The following FGF6 variants were observed in gnomAD, a reference collection of about 807,000 sequenced individuals.
FGF6 encodes FGF-6.
In FGF6, 14 loss-of-function variants were observed where a neutral mutation model predicts 18.4. That is an observed-to-expected ratio of 0.76 (90% confidence interval 0.50 to 1.19). The LOEUF (loss-of-function observed/expected upper bound fraction) is 1.19, where lower values mean the gene tolerates loss of function less well. Among genes scored for constraint, FGF6 ranks in the 50% most tolerant of loss-of-function variants. The probability of loss-of-function intolerance (pLI) is 0.00; values close to 1 mark genes in which losing one functional copy is unlikely to be tolerated. For synonymous variants in FGF6, 125 were observed against 116.7 expected (o/e 1.07, Z -0.46); for missense variants, 266 against 271.6 (o/e 0.98, Z 0.15).
chr12:4,435,930 G>A (rs1342393175), intron 2 of FGF6, among the ~76,000 whole-genome samples: 1 of 152,030 alleles, frequency 6.6e-6, no homozygotes, highest in African/African-American at 2.4e-5. Context: ...AACAGAGAGC[G>A]AGGTGGGAGC....
chr12:4,435,013 CTT>C lies in FGF6; in HGVS notation c.451-624_451-623del, dbSNP rs541673801. Reference sequence around the variant, plus strand: ...AAGCCCTTTCCAGCACTGCCTGTCTCTTTGTTTCTGCTTGTGGTTCCTCAGTC... The same window carrying C: ...AAGCCCTTTCCAGCACTGCCTGTCTCTGTTTCTGCTTGTGGTTCCTCAGTC... On this transcript the variant is annotated intron_variant, in intron 2 of 2. Coordinates refer to ENST00000228837, the MANE Select transcript of FGF6 (RefSeq NM_020996.3). Among the ~76,000 whole-genome samples the C allele has an allele frequency of 2.3e-3, 348 of 151,988 alleles. 2 individuals carry two copies. The highest frequency in any genetic ancestry group is 8.1e-3 in the African/African-American group (337 of 41,462).
At chr12:4,440,042 T>C (rs1283165186) in intron 2 of FGF6, among the ~76,000 whole-genome samples, 1 of 152,212 alleles carries the variant, frequency 6.6e-6, no homozygotes, top group Admixed American at 6.5e-5. Context: ...GGCTTGGGAA[T>C]GTTGGCCCCT....
At chr12:4,440,812 C>G (rs1167794359) in intron 2 of FGF6, among the ~76,000 whole-genome samples, 1 of 152,178 alleles carries the variant, frequency 6.6e-6, no homozygotes, top group Non-Finnish European at 1.5e-5. Context: ...TCATCCCATT[C>G]CCTCAGGAGT....
intron 1 of FGF6, among the ~76,000 whole-genome samples, chr12:4,444,575 A>ATTCTTC (rs761614152): frequency 6.6e-6 from 1 of 152,078 alleles, no homozygotes; most frequent in African/African-American, 2.4e-5. Flanking sequence ...ATAAATTCTG[A>ATTCTTC]TTCTTCTTCT....
chr12:4,445,368 T>A lies in FGF6; in HGVS notation c.203A>T (p.Glu68Val), dbSNP rs1865748804. The A allele has an allele frequency of 1.2e-6, 2 of 1,613,898 alleles. No homozygotes were observed. The highest frequency in any genetic ancestry group is 4.5e-5 in the East Asian group (2 of 44,872). ...ACTTTCCCAGTTCACCCCGGCAATC[T>A]CTCCAGCTAGCCCGGCGCGAGACCT... Reference protein sequence around the residue: ...LSRSRAGLAGEIAGVNWESGY... With the variant: ...LSRSRAGLAGVIAGVNWESGY... The change falls in exon 1 of 3, where the codon GAG (glutamate) becomes GTG (valine). Residue 68 changes from glutamate to valine, a missense_variant. Transcript: ENST00000228837. This position sits in a 1 kb window ranked among gnomAD's most constrained non-coding sequence, Gnocchi z 5.5.
At chr12:4,439,700 C>CT (rs908004347) in intron 2 of FGF6, among the ~76,000 whole-genome samples, 2 of 151,218 alleles carry the variant, frequency 1.3e-5, no homozygotes, top group African/African-American at 4.9e-5. Flanking sequence ...AAGTTTACTA[C>CT]TTTTTTTTCT....
In FGF6 at chr12:4,444,120, C is replaced by G; in HGVS notation, c.450+13G>C. 1 of 1,575,324 alleles carries G rather than the reference C, an allele frequency of 6.3e-7. No individual in the cohort carries two copies. Among genetic ancestry groups the G allele is most frequent in the Non-Finnish European group, 8.7e-7 (1 of 1,145,554 alleles). The stretch of plus-strand genomic sequence containing the variant: ...CTTGTAAACCTGGCACTTCCCCGGC[C>G]TGGTGAACTCACCGTTGCGTACAAT... On this transcript the variant is annotated intron_variant, in intron 2 of 2. Coordinates refer to ENST00000228837, the MANE Select transcript of FGF6 (RefSeq NM_020996.3).
At chr12:4,434,663 T>G (rs1048291410) in intron 2 of FGF6, among the ~76,000 whole-genome samples, 5 of 152,156 alleles carry the variant, frequency 3.3e-5, no homozygotes, top group African/African-American at 1.2e-4. Context: ...CTGTGCCACA[T>G]GGGGTAGAGC....
chr12:4,444,168 C>T lies in FGF6; in HGVS notation c.415G>A (p.Val139Ile), dbSNP rs759669908. 25 of 1,613,748 alleles carry T rather than the reference C, an allele frequency of 1.5e-5. No individual in the cohort carries two copies. The highest frequency in any genetic ancestry group is 1.6e-4 in the Middle Eastern group (1 of 6,084). ...AATCTTCCTTTACTGTTCATGGCAA[C>T]GAAGAGGGCACTTCTCACTCCAAAG... ...SLFGVRSALF[V>I]AMNSKGRLYA... is the part of the protein sequence containing the mutation. The change falls in exon 2 of 3, where the codon GTT becomes ATT. Residue 139 changes from valine (V) to isoleucine (I), a missense_variant. Transcript: ENST00000228837.
chr12:4,439,492 C>T (rs1374018008), intron 2 of FGF6, among the ~76,000 whole-genome samples: 1 of 152,088 alleles, frequency 6.6e-6, no homozygotes, highest in Non-Finnish European at 1.5e-5. Context: ...TGCCCACTTC[C>T]CCGTGCCTAG....
At chr12:4,442,812 G>A (rs987443022) in intron 2 of FGF6, among the ~76,000 whole-genome samples, 1 of 152,178 alleles carries the variant, frequency 6.6e-6, no homozygotes, top group Non-Finnish European at 1.5e-5. Flanking sequence ...CAGCTTTCAG[G>A]TTCAGTGTAA....
intron 2 of FGF6, among the ~76,000 whole-genome samples, chr12:4,441,329 G>T (rs181991664): frequency 1.8e-4 from 27 of 152,268 alleles, no homozygotes; most frequent in African/African-American, 6.3e-4. Context: ...CTCGGGTCGC[G>T]GAGCCCTGAG....
In FGF6 at chr12:4,445,700, C is replaced by G. The variant is rs1015513735; in HGVS notation, c.-130G>C. On this transcript the variant is annotated 5_prime_UTR_variant, in exon 1 of 3. Transcript: ENST00000228837. The surrounding 1 kb of genome is among the most constrained non-coding windows in gnomAD (Gnocchi z 5.5). Reference sequence around the variant, plus strand: ...CAGATGAAGGCTGCTGACATGAAACCAAAGCCTCCATCGGGCACTCGGGTT... The same window carrying G: ...CAGATGAAGGCTGCTGACATGAAACGAAAGCCTCCATCGGGCACTCGGGTT... The G allele has an allele frequency of 4.0e-6, 3 of 756,134 alleles. No homozygotes were observed. The highest frequency in any genetic ancestry group is 4.2e-6 in the Non-Finnish European group (2 of 479,564). The allele number at this position is 756,134 out of a possible 1,614,324, so 46.8% of individuals were successfully genotyped here.
intron 2 of FGF6, among the ~76,000 whole-genome samples, chr12:4,440,187 G>A (rs1448862504): frequency 1.3e-5 from 2 of 152,234 alleles, no homozygotes; most frequent in African/African-American, 2.4e-5. Context: ...TCAAGCCCCA[G>A]CATGAAAATA....
rs186761090 is a variant in FGF6 at position 4,434,257 on chromosome 12, C to G, written c.585G>C (p.Val195=). The change falls in exon 3 of 3, where the codon GTG becomes GTC. Residue 195 remains valine (V), a synonymous_variant. Coordinates refer to ENST00000228837, the MANE Select transcript of FGF6 (RefSeq NM_020996.3). ...KYGRVKRGSK[V]SPIMTVTHFL... Reference sequence around the variant, plus strand: ...AATGAGTGACAGTCATGATCGGGGACACCTTGCTGCCCCGCTTTACCCGTC... The same window carrying G: ...AATGAGTGACAGTCATGATCGGGGAGACCTTGCTGCCCCGCTTTACCCGTC... The G allele has an allele frequency of 3.1e-6, 5 of 1,614,160 alleles. No homozygotes were observed. The highest frequency in any genetic ancestry group is 1.7e-4 in the Middle Eastern group (1 of 6,050).
chr12:4,442,468 A>T (rs1404875520), intron 2 of FGF6, among the ~76,000 whole-genome samples: 1 of 152,156 alleles, frequency 6.6e-6, no homozygotes, highest in African/African-American at 2.4e-5. Context: ...TAGGAAGAAA[A>T]AAGTAATAAA....
At chr12:4,435,572 G>A (rs1012463299) in intron 2 of FGF6, among the ~76,000 whole-genome samples, 4 of 152,196 alleles carry the variant, frequency 2.6e-5, no homozygotes, top group Non-Finnish European at 4.4e-5. Flanking sequence ...TGCAGGAACA[G>A]AAATGGTGAG....
intron 2 of FGF6, among the ~76,000 whole-genome samples, chr12:4,440,156 C>G (rs976202120): frequency 1.3e-5 from 2 of 152,232 alleles, no homozygotes; most frequent in Non-Finnish European, 2.9e-5. Context: ...CACTGGGTCA[C>G]ATTTCCTGGG....
At chr12:4,437,123 A>C (rs1319766147) in intron 2 of FGF6, among the ~76,000 whole-genome samples, 1 of 150,716 alleles carries the variant, frequency 6.6e-6, no homozygotes, top group Non-Finnish European at 1.5e-5. Context: ...AAGAACAGTA[A>C]GAAAAATTGT....
Sources: allele counts gnomAD v4.1 joint callset (sites outside exome capture counted in the v4.1 genomes callset), GRCh38; gene constraint gnomAD v4.1.1; non-coding constraint Gnocchi (gnomAD v3.1); transcripts MANE v1.5; gene names NCBI Gene and HGNC (gene_info 2026-07-23, HGNC 2026-07-21).